The following CNTN5 variants were observed in gnomAD, a reference collection of about 807,000 sequenced individuals.
CNTN5 encodes contactin-5.
Under a neutral mutation model 129.1 loss-of-function variants are expected in CNTN5, and 77 were observed. The observed-to-expected ratio is 0.60, with a 90% CI of 0.50 to 0.72. The LOEUF is 0.72. Ranked by LOEUF, CNTN5 falls within the 30% of genes least tolerant of loss-of-function variation. CNTN5 has a pLI of 0.00. For synonymous variants in CNTN5, 509 were observed against 465.6 expected (o/e 1.09, Z -1.20); for missense variants, 1,478 against 1,328.8 (o/e 1.11, Z -1.75).
chr11:100,201,423 C>T (rs749522166), intron 15 of CNTN5, among the ~76,000 whole-genome samples: 7 of 151,696 alleles, frequency 4.6e-5, no homozygotes, highest in Non-Finnish European at 8.8e-5. Flanking sequence ...ATTATCAAAA[C>T]CATTCTTTAT....
chr11:99,531,016 T>C (rs181553972), intron 2 of CNTN5, among the ~76,000 whole-genome samples: 19 of 152,300 alleles, frequency 1.2e-4, no homozygotes, highest in Admixed American at 9.8e-4. Flanking sequence ...TGAAACTGGG[T>C]AACAGGCAGA....
chr11:99,567,833 G>A (rs1949056031), intron 3 of CNTN5, among the ~76,000 whole-genome samples: 1 of 152,118 alleles, frequency 6.6e-6, no homozygotes, highest in Non-Finnish European at 1.5e-5. Context: ...TTAATCAGAA[G>A]ACAATTTAAT....
At position 99,551,172 on chromosome 11, in the gene CNTN5, G is replaced by A. The variant is rs539013146; in HGVS notation, c.-70-4973G>A. Among the ~76,000 whole-genome samples, 4 of 152,200 alleles carry A rather than the reference G, an allele frequency of 2.6e-5. No individual in the cohort carries two copies. In the South Asian group the frequency reaches 8.3e-4, roughly 32 times the overall value. ...AGTTTCCTGTGATGCTGAGTTAAAA[G>A]AAATCATTTTTTCCACCAGAATCTT... On this transcript the variant is annotated intron_variant, in intron 2 of 24. Transcript: ENST00000524871.
At chr11:99,398,335 C>T (rs1193672846) in intron 2 of CNTN5, among the ~76,000 whole-genome samples, 5 of 151,940 alleles carry the variant, frequency 3.3e-5, no homozygotes, top group South Asian at 4.1e-4. Context: ...TATTTCTGTT[C>T]GTCTGTCCTA....
chr11:99,118,377 G>A (rs371802269), intron 1 of CNTN5, among the ~76,000 whole-genome samples: 358 of 152,094 alleles, frequency 2.4e-3, no homozygotes, highest in Middle Eastern at 6.8e-3. Context: ...ATATATATGG[G>A]TTGCTGTTTT....
At chr11:99,500,419 T>A (rs921796851) in intron 2 of CNTN5, among the ~76,000 whole-genome samples, 3 of 152,074 alleles carry the variant, frequency 2.0e-5, no homozygotes, top group Non-Finnish European at 4.4e-5. Flanking sequence ...ATGGAAAAAA[T>A]ATTTTTTTCT....
chr11:99,924,315 G>A (rs1418324595), intron 7 of CNTN5, among the ~76,000 whole-genome samples: 1 of 151,662 alleles, frequency 6.6e-6, no homozygotes, highest in Admixed American at 6.6e-5. Context: ...TATTTTTTTT[G>A]CCTAGGCCAA....
intron 9 of CNTN5, among the ~76,000 whole-genome samples, chr11:100,022,556 C>G (rs1941216800): frequency 6.6e-6 from 1 of 152,172 alleles, no homozygotes; most frequent in South Asian, 2.1e-4. Context: ...GCTGGTTAAT[C>G]TTTCAAAGAG....
intron 8 of CNTN5, among the ~76,000 whole-genome samples, chr11:99,966,964 G>T (rs1951111100): frequency 6.6e-6 from 1 of 152,080 alleles, no homozygotes; most frequent in African/African-American, 2.4e-5. Flanking sequence ...TGCTGTGATA[G>T]ATTGATAGAT....
intron 3 of CNTN5, among the ~76,000 whole-genome samples, chr11:99,742,407 A>G (rs1457981003): frequency 6.6e-6 from 1 of 152,200 alleles, no homozygotes; most frequent in East Asian, 1.9e-4. Context: ...AATGGAAAGA[A>G]GGAAACCTTG....
At chr11:100,025,679 G>A (rs1941382669) in intron 9 of CNTN5, among the ~76,000 whole-genome samples, 1 of 152,178 alleles carries the variant, frequency 6.6e-6, no homozygotes, top group East Asian at 1.9e-4. Flanking sequence ...GCATGACCTG[G>A]AAGTGAGATA....
At chr11:100,038,162 G>A (rs1329699174) in intron 9 of CNTN5, among the ~76,000 whole-genome samples, 1 of 152,068 alleles carries the variant, frequency 6.6e-6, no homozygotes, top group Non-Finnish European at 1.5e-5. Context: ...ATTCTGGTAT[G>A]TTGTGTCTTT....
At chr11:99,828,843 T>C (rs1431308349) in intron 4 of CNTN5, among the ~76,000 whole-genome samples, 4 of 152,192 alleles carry the variant, frequency 2.6e-5, no homozygotes, top group Non-Finnish European at 5.9e-5. Context: ...ATAGTAGTTG[T>C]CTTAAACAAT....
At chr11:99,642,098 C>A (rs1951792572) in intron 3 of CNTN5, among the ~76,000 whole-genome samples, 1 of 152,144 alleles carries the variant, frequency 6.6e-6, no homozygotes, top group Non-Finnish European at 1.5e-5. Flanking sequence ...AGATTTCATT[C>A]TACTTAAGAG....
At chr11:99,778,477 G>T (rs1945201188) in intron 3 of CNTN5, among the ~76,000 whole-genome samples, 1 of 151,738 alleles carries the variant, frequency 6.6e-6, no homozygotes, top group Admixed American at 6.6e-5. Context: ...AGAATAGATG[G>T]ATAAAAGCTC....
intron 16 of CNTN5, among the ~76,000 whole-genome samples, chr11:100,247,615 T>C (rs578045231): frequency 2.0e-5 from 3 of 152,236 alleles, no homozygotes; most frequent in East Asian, 3.9e-4. Context: ...CAAGAGTATA[T>C]CAGGAGACAT....
chr11:99,048,745 A>G (rs1484187275), intron 1 of CNTN5, among the ~76,000 whole-genome samples: 2 of 152,154 alleles, frequency 1.3e-5, no homozygotes, highest in Admixed American at 6.5e-5. Flanking sequence ...TATTGTTTAG[A>G]CAAGAAATTC....
chr11:99,948,817 G>C (rs1950609639), intron 7 of CNTN5, among the ~76,000 whole-genome samples: 1 of 152,146 alleles, frequency 6.6e-6, no homozygotes, highest in Middle Eastern at 3.2e-3. Flanking sequence ...CGATGCGTGC[G>C]CACATCCAGC....
At chr11:100,125,590 T>A (rs1355082083) in intron 13 of CNTN5, among the ~76,000 whole-genome samples, 1 of 152,116 alleles carries the variant, frequency 6.6e-6, no homozygotes, top group Non-Finnish European at 1.5e-5. Flanking sequence ...GTTGATTCCA[T>A]GACTTCGCTA....
Sources: gnomAD v4.1 joint callset for allele counts (sites outside exome capture counted in the v4.1 genomes callset) on GRCh38, gnomAD v4.1.1 for gene constraint, MANE v1.5 for transcripts, NCBI Gene and HGNC (gene_info 2026-07-23, HGNC 2026-07-21) for gene names.